The following SHD variants were observed in gnomAD, a reference collection of about 807,000 sequenced individuals.
The protein encoded by SHD is Src homology 2 domain containing transforming protein D, also known as SH2 domain-containing adapter protein D.
Under a neutral mutation model 31.2 loss-of-function variants are expected in SHD, and 29 were observed. The observed-to-expected ratio is 0.93, with a 90% confidence interval of 0.69 to 1.27. SHD has a LOEUF of 1.27. SHD is among the 50% of genes most tolerant of loss of function. SHD has a pLI of 0.00. For synonymous variants in SHD, 208 were observed against 187.8 expected, an observed-to-expected ratio of 1.11 and a Z score of -0.88; for missense variants, 520 against 453.8, an observed-to-expected ratio of 1.15 and a Z score of -1.33.
chr19:4,285,044 A>G lies in SHD; in HGVS notation c.716+140A>G, dbSNP rs117404222. The G allele has an allele frequency of 9.2e-4, 996 of 1,088,084 alleles. 18 individuals carry two copies. The East Asian group carries it at 0.027, about 30-fold the overall frequency. 67.4% of individuals were successfully genotyped at this position (1,088,084 alleles called of 1,614,324 possible). A position where few individuals can be genotyped will look rare whatever the true frequency, so the allele number is the denominator to read the frequency against. On this transcript the variant is annotated intron_variant, in intron 4 of 5. Transcript: ENST00000543264. ...CATTCATCCACTTATTTCTTCAGCT[A>G]ATCTTTACGGGCTCCAGAGCCTGCT...
Position 4,280,135 on chromosome 19 carries a change from C to G in SHD, c.72C>G (p.Asp24Glu). 6.2e-7 allele frequency: 1 copy of G among 1,613,828 alleles called. No individual in the cohort carries two copies. Among genetic ancestry groups the G allele is most frequent in the Non-Finnish European group, 8.5e-7 (1 of 1,179,976 alleles). ...RRPPPQPPTP[D>E]YTESDILRAY... ...CCCCTCCGCAGCCGCCCACCCCGGA[C>G]TACACCGAGAGCGACATCCTGAGGG... The change falls in exon 1 of 6, where the codon GAC becomes GAG. Residue 24 changes from aspartate (D) to glutamate (E), a missense_variant. Coordinates refer to ENST00000543264, the MANE Select transcript of SHD (RefSeq NM_020209.4).
At chr19:4,287,331 C>CA (rs113041848) in intron 4 of SHD, among the ~76,000 whole-genome samples, 12 of 146,036 alleles carry the variant, frequency 8.2e-5, no homozygotes, top group East Asian at 2.1e-4. Flanking sequence ...GACTCTGTCT[C>CA]AAAAAAAAAG....
In SHD at chr19:4,279,865, C is replaced by T; in HGVS notation, c.-199C>T. The T allele has an allele frequency of 1.5e-6, 1 of 648,948 alleles. No individual in the cohort carries two copies. Among genetic ancestry groups the T allele is most frequent in the Non-Finnish European group, 2.6e-6 (1 of 388,028 alleles). The allele number at this position is 648,948 out of a possible 1,614,324, so 40.2% of individuals were successfully genotyped here. A position where few individuals can be genotyped will look rare whatever the true frequency, so the allele number is the denominator to read the frequency against. On this transcript the variant is annotated 5_prime_UTR_variant, in exon 1 of 6. Coordinates refer to ENST00000543264, the MANE Select transcript of SHD (RefSeq NM_020209.4). This position sits in a 1 kb window ranked among gnomAD's most constrained non-coding sequence, Gnocchi z 7.5. ...CTTCTCTTCCTCCCTCCTCTGTCGCCTCCTTTTCCTCCCCCTCGTTCACCT... is the reference window on the plus strand; with the variant it reads ...CTTCTCTTCCTCCCTCCTCTGTCGCTTCCTTTTCCTCCCCCTCGTTCACCT...
chr19:4,286,335 C>CCTTCCTTCCTTT (rs1555727720), intron 4 of SHD, among the ~76,000 whole-genome samples: 1 of 128,540 alleles, frequency 7.8e-6, no homozygotes, highest in African/African-American at 3.4e-5. Context: ...TTCCTTCCTT[C>CCTTCCTTCCTTT]CTTTCTTTCT....
chr19:4,282,768 G>A, intron 1 of SHD, 102 bp from the exon 2 acceptor site: 2 of 600,252 alleles, frequency 3.3e-6, no homozygotes, highest in East Asian at 3.1e-5. Flanking sequence ...AAAAACTCTT[G>A]GAGAGGTGTC....
intron 1 of SHD, among the ~76,000 whole-genome samples, chr19:4,282,465 C>T (rs1325219324): frequency 6.6e-6 from 1 of 151,886 alleles, no homozygotes; most frequent in Non-Finnish European, 1.5e-5. Flanking sequence ...GTTGCTCACG[C>T]CTGTAATCCC....
Position 4,280,222 on chromosome 19 carries a change from G to T in SHD, c.159G>T (p.Leu53Phe), listed in dbSNP as rs769952736. ...CCTATGAGGACGCGGAGAGCCGCTT[G>T]GAGCCGGACCCCGCGGGCCCTGGGG... ...EDPYEDAESR[L>F]EPDPAGPGDS... The change falls in exon 1 of 6, where the codon TTG (leucine) becomes TTT (phenylalanine). Residue 53 changes from leucine to phenylalanine, a missense_variant. Physicochemically the swap from Leu to Phe is conservative, Grantham distance 22. Coordinates refer to ENST00000543264, the MANE Select transcript of SHD (RefSeq NM_020209.4). The T allele has an allele frequency of 6.2e-7, 1 of 1,613,904 alleles. No homozygotes were observed. Among genetic ancestry groups the T allele is most frequent in the South Asian group, 1.1e-5 (1 of 91,082 alleles).
rs1971292646 is a variant in SHD at position 4,284,844 on chromosome 19, C to T, written c.656C>T (p.Pro219Leu). 6.2e-7 allele frequency: 1 copy of T among 1,612,888 alleles called. No homozygotes were observed. The highest frequency in any genetic ancestry group is 1.3e-5 in the African/African-American group (1 of 74,862). The stretch of plus-strand genomic sequence containing the variant: ...TCAGCCAAGGAGCTCCGGAGACCTC[C>T]GCCCAGAAGCCCCCAGCCTGCGGAG... Reference protein sequence around the residue: ...PGSAKELRRPPPRSPQPAERV... With the variant: ...PGSAKELRRPLPRSPQPAERV... Residue 219 changes from proline (P) to leucine (L), a missense_variant, in exon 4 of 6, where the codon CCG (proline) becomes CTG (leucine). Physicochemically the swap from Pro to Leu is moderately conservative, Grantham distance 98 (BLOSUM62 -3). Coordinates refer to ENST00000543264, the MANE Select transcript of SHD (RefSeq NM_020209.4).
Position 4,279,972 on chromosome 19 carries a change from C to A in SHD, c.-92C>A. The A allele has an allele frequency of 7.1e-7, 1 of 1,411,778 alleles. No homozygotes were observed. The highest frequency in any genetic ancestry group is 9.4e-7 in the Non-Finnish European group (1 of 1,059,532). The allele number at this position is 1,411,778 out of a possible 1,614,324, so 87.5% of individuals were successfully genotyped here. On this transcript the variant is annotated 5_prime_UTR_variant, in exon 1 of 6. Transcript: ENST00000543264. This position sits in a 1 kb window ranked among gnomAD's most constrained non-coding sequence, Gnocchi z 7.5. ...TCCTTCCCTGCTCTTCCCTTCCTCT[C>A]CACCTCCTCCTCCTCCTTGGGGAAA...
intron 5 of SHD, among the ~76,000 whole-genome samples, chr19:4,290,237 C>T (rs1971362900): frequency 6.6e-6 from 1 of 152,138 alleles, no homozygotes; most frequent in Non-Finnish European, 1.5e-5. Flanking sequence ...TGGTCTCTAA[C>T]GCCTGGCCTG....
intron 4 of SHD, among the ~76,000 whole-genome samples, chr19:4,286,281 T>TCCTTC (rs1477952080): frequency 2.9e-5 from 3 of 104,554 alleles, no homozygotes; most frequent in African/African-American, 1.1e-4. Context: ...CTTTCTTTCT[T>TCCTTC]TTTTTCTTTC....
At position 4,286,288 on chromosome 19, in the gene SHD, T is replaced by TTTCC. The variant is rs199916938; in HGVS notation, c.716+1410_716+1413dup. On this transcript the variant is annotated intron_variant, in intron 4 of 5. Coordinates refer to ENST00000543264, the MANE Select transcript of SHD (RefSeq NM_020209.4). ...CTTTCTTTCTTTCTTTCTTTTTTTC[T>TTTCC]TTCCTTCCTTCCTTCCTTCCTTCCT... is the stretch of plus-strand genomic sequence containing the variant. Among the ~76,000 whole-genome samples the TTTCC allele has an allele frequency of 1.7e-3, 191 of 113,404 alleles. 4 individuals are homozygous for TTTCC. The highest frequency in any genetic ancestry group is 2.3e-3 in the Admixed American group (23 of 10,150). The allele number at this position is 113,404 out of a possible 152,430, so 74.4% of individuals were successfully genotyped here. A position where few individuals can be genotyped will look rare whatever the true frequency, so the allele number is the denominator to read the frequency against.
Position 4,288,251 on chromosome 19 carries a change from A to G in SHD, c.725A>G (p.His242Arg), listed in dbSNP as rs1472358867. ...ALPLEKQPWF[H>R]GPLNRADAES... The stretch of plus-strand genomic sequence containing the variant: ...CTGTCCATACTCGCTAGGTGGTTTC[A>G]TGGCCCCCTGAACAGGGCGGATGCA... The change falls in exon 5 of 6, where the codon CAT (histidine) becomes CGT (arginine). Residue 242 changes from histidine to arginine, a missense_variant. His to Arg is a conservative substitution (Grantham distance 29). Transcript: ENST00000543264. The G allele has an allele frequency of 1.2e-6, 2 of 1,613,448 alleles. No homozygotes were observed. The highest frequency in any genetic ancestry group is 1.7e-5 in the Admixed American group (1 of 59,938).
At chr19:4,286,894 A>C (rs1462207208) in intron 4 of SHD, among the ~76,000 whole-genome samples, 1 of 151,844 alleles carries the variant, frequency 6.6e-6, no homozygotes, top group Non-Finnish European at 1.5e-5. Flanking sequence ...AAAACAAAAA[A>C]ACATTAAGAA....
In SHD at chr19:4,290,688, C is replaced by T. The variant is rs543274759; in HGVS notation, c.*55C>T. 1.3e-4 allele frequency: 198 copies of T among 1,478,560 alleles called. 1 individual carries two copies. In the African/African-American group the frequency reaches 2.1e-3, roughly 16 times the overall value. The allele number at this position is 1,478,560 out of a possible 1,614,324, so 91.6% of individuals were successfully genotyped here. ...CGGGCCCAGAATCGTATCCCAAAGC[C>T]CTCCCATGGCCTAGAAAATAAATAA... On this transcript the variant is annotated 3_prime_UTR_variant, in exon 6 of 6. Transcript: ENST00000543264.
intron 4 of SHD, 85 bp from the exon 5 acceptor site, chr19:4,288,158 G>A: frequency 2.0e-6 from 3 of 1,464,412 alleles, no homozygotes; most frequent in Non-Finnish European, 2.8e-6. Context: ...GCCCGCGTCA[G>A]CCTCCCAAAG....
intron 1 of SHD, among the ~76,000 whole-genome samples, chr19:4,281,928 A>G (rs528469115): frequency 2.6e-5 from 4 of 152,298 alleles, no homozygotes; most frequent in African/African-American, 9.6e-5. Flanking sequence ...GGAATGGTGT[A>G]CTTATTACAT....
In SHD at chr19:4,289,860, C is replaced by T. The variant is rs372948501; in HGVS notation, c.837-587C>T. Among the ~76,000 whole-genome samples, 126 of 151,594 alleles carry T rather than the reference C, an allele frequency of 8.3e-4. 1 individual carries two copies. Among genetic ancestry groups the T allele is most frequent in the East Asian group, 7.4e-3 (38 of 5,126 alleles). Reference sequence around the variant, plus strand: ...TGCTGTGATTACAGGCGTGAGCCACCGCGCCCAGCCTATTTTTTTATTATT... The same window carrying T: ...TGCTGTGATTACAGGCGTGAGCCACTGCGCCCAGCCTATTTTTTTATTATT... On this transcript the variant is annotated intron_variant, in intron 5 of 5. Transcript: ENST00000543264.
chr19:4,282,857 C>T lies in SHD; in HGVS notation c.298-13C>T. 6.2e-7 allele frequency: 1 copy of T among 1,613,542 alleles called. No individual in the cohort carries two copies. Among genetic ancestry groups the T allele is most frequent in the Non-Finnish European group, 8.5e-7 (1 of 1,179,592 alleles). On this transcript the variant is annotated splice_polypyrimidine_tract_variant and intron_variant, in intron 1 of 5. Coordinates refer to ENST00000543264, the MANE Select transcript of SHD (RefSeq NM_020209.4). ...TCTGAGTCCTTGTCTTCTCCCCTTC[C>T]TTCTCTCCGCAGCTGGAAGCCGACA... is the stretch of plus-strand genomic sequence containing the variant.
Sources: gnomAD v4.1 joint callset for allele counts (sites outside exome capture counted in the v4.1 genomes callset) on GRCh38, gnomAD v4.1.1 for gene constraint, Gnocchi (gnomAD v3.1) non-coding constraint, MANE v1.5 for transcripts, NCBI Gene and HGNC (gene_info 2026-07-23, HGNC 2026-07-21) for gene names.